The following AR variants were observed in gnomAD, a reference collection of about 807,000 sequenced individuals.
AR encodes dihydrotestosterone receptor.
AR carries 8 observed loss-of-function variants against 53.9 expected under a neutral mutation model. That is an observed-to-expected ratio of 0.15 (90% CI 0.09 to 0.27). The LOEUF is 0.27. Ranked by LOEUF, AR falls within the 10% of genes least tolerant of loss-of-function variation. The pLI, the probability that AR is intolerant of heterozygous loss-of-function variation, is 1.00. For synonymous variants in AR, 359 were observed against 316.4 expected, an observed-to-expected ratio of 1.13 and a Z score of -1.43; for missense variants, 639 against 742.5, an observed-to-expected ratio of 0.86 and a Z score of 1.62.
At chrX:67,700,037 A>G (rs1440378675) in intron 3 of AR, among the ~76,000 whole-genome samples, 3 of 111,244 alleles carry the variant, frequency 2.7e-5, no homozygotes, top group African/African-American at 9.8e-5. Flanking sequence ...AGGGCTGAAA[A>G]GTTAGTTCCC....
chrX:67,631,090 A>G (rs964020063), intron 1 of AR, among the ~76,000 whole-genome samples: 5 of 110,002 alleles, frequency 4.5e-5, no homozygotes, highest in African/African-American at 6.6e-5. Context: ...CTTCATTTCA[A>G]CTTTTTTGAA....
At chrX:67,619,675 G>T (rs758796239) in intron 1 of AR, among the ~76,000 whole-genome samples, 1 of 111,376 alleles carries the variant, frequency 9.0e-6, no homozygotes, top group Non-Finnish European at 1.9e-5. Flanking sequence ...CATACCTCAT[G>T]CATTTGTTGT....
At chrX:67,637,905 C>T (rs1925531545) in intron 1 of AR, among the ~76,000 whole-genome samples, 1 of 110,437 alleles carries the variant, frequency 9.1e-6, no homozygotes, top group African/African-American at 3.3e-5. Context: ...ACACACATGC[C>T]AGGGTGTTTG....
rs147677446 is a variant in AR, at chrX:67,545,470, G to A, written c.324G>A (p.Leu108=). ...QAHRRGPTGY[L]VLDEEQQPSQ... is the part of the protein sequence containing the mutation. ...ATCGTAGAGGCCCCACAGGCTACCT[G>A]GTCCTGGATGAGGAACAGCAACCTT... Residue 108 remains leucine, a synonymous_variant, in exon 1 of 8, where the codon CTG becomes CTA. Coordinates refer to ENST00000374690, the MANE Select transcript of AR (RefSeq NM_000044.6). 1 of 1,200,606 alleles carries A rather than the reference G, an allele frequency of 8.3e-7. No homozygotes were observed. The highest frequency in any genetic ancestry group is 2.2e-5 in the Admixed American group (1 of 44,886).
At chrX:67,693,356 A>G (rs750058600) in intron 3 of AR, among the ~76,000 whole-genome samples, 106 of 112,286 alleles carry the variant, frequency 9.4e-4, no homozygotes, top group Non-Finnish European at 1.6e-3. Flanking sequence ...AACTGAGTAC[A>G]CAGCACACAA....
intron 3 of AR, among the ~76,000 whole-genome samples, chrX:67,692,426 G>A (rs886878313): frequency 8.9e-6 from 1 of 112,351 alleles, no homozygotes; most frequent in Non-Finnish European, 1.9e-5. Flanking sequence ...ATAAATTTTG[G>A]CATCAACATG....
chrX:67,703,096 A>C lies in AR; in HGVS notation c.1886-8306A>C, dbSNP rs190893530. Among the ~76,000 whole-genome samples, 49 of 111,017 alleles carry C rather than the reference A, an allele frequency of 4.4e-4. 2 individuals are homozygous for C. The East Asian group carries it at 1.0e-2, about 23-fold the overall frequency. ...TCCTTCAAAAAATAAATAAAAACTA[A>C]AAAAAAAGTCAGTTCCAGGTTGTAT... On this transcript the variant is annotated intron_variant, in intron 3 of 7. Coordinates refer to ENST00000374690, the MANE Select transcript of AR (RefSeq NM_000044.6).
intron 1 of AR, among the ~76,000 whole-genome samples, chrX:67,573,509 CT>C (rs1921915307): frequency 9.0e-6 from 1 of 111,706 alleles, no homozygotes; most frequent in Admixed American, 9.5e-5. Context: ...GAGGGCTGCA[CT>C]GACTGACTTC....
chrX:67,689,602 A>C, intron 3 of AR: 1 of 965,391 alleles, frequency 1.0e-6, no homozygotes, highest in Non-Finnish European at 1.3e-6. Context: ...TTGGAGTCTC[A>C]GAATGGCTTC....
In AR at chrX:67,718,691, C is replaced by T. The variant is rs375203494; in HGVS notation, c.2318+1069C>T. Among the ~76,000 whole-genome samples, 27 of 110,701 alleles carry T rather than the reference C, an allele frequency of 2.4e-4. No homozygotes were observed. In the South Asian group the frequency reaches 4.8e-3, roughly 20 times the overall value. The stretch of plus-strand genomic sequence containing the variant: ...TGCCACCCAGGCTGGAGGGCAGTGG[C>T]GCAATGATCTCAGCCCAGTGCAACC... On this transcript the variant is annotated intron_variant, in intron 5 of 7. Transcript: ENST00000374690.
At chrX:67,596,044 T>C (rs1195957749) in intron 1 of AR, among the ~76,000 whole-genome samples, 5 of 109,765 alleles carry the variant, frequency 4.6e-5, no homozygotes, top group Non-Finnish European at 9.5e-5. Flanking sequence ...GTTGTGGTGA[T>C]AGTAAGTTCT....
At chrX:67,603,141 A>G (rs1214580083) in intron 1 of AR, among the ~76,000 whole-genome samples, 2 of 111,750 alleles carry the variant, frequency 1.8e-5, no homozygotes, top group South Asian at 3.8e-4. Context: ...CTTTCCCACA[A>G]TGCAATTTTA....
intron 1 of AR, among the ~76,000 whole-genome samples, chrX:67,621,293 A>ATCAAAT (rs1300072052): frequency 9.0e-6 from 1 of 111,393 alleles, no homozygotes; most frequent in African/African-American, 3.3e-5. Context: ...GGCCATTAAA[A>ATCAAAT]TTATTTGGGG....
At chrX:67,547,824 T>A (rs1929827631) in intron 1 of AR, among the ~76,000 whole-genome samples, 1 of 111,914 alleles carries the variant, frequency 8.9e-6, no homozygotes, top group Non-Finnish European at 1.9e-5. Flanking sequence ...TAATGACCTA[T>A]GAGCCGTAAT....
chrX:67,630,362 T>C (rs1171730002), intron 1 of AR, among the ~76,000 whole-genome samples: 1 of 111,859 alleles, frequency 8.9e-6, no homozygotes, highest in East Asian at 2.8e-4. Context: ...TTAGCTCTTC[T>C]TGTTGAATTG....
intron 5 of AR, among the ~76,000 whole-genome samples, chrX:67,720,636 T>TCTACA (rs1176193127): frequency 7.2e-5 from 8 of 111,393 alleles, no homozygotes; most frequent in Admixed American, 4.8e-4. Context: ...GTTGAATAAT[T>TCTACA]CTACACCATC....
intron 1 of AR, among the ~76,000 whole-genome samples, chrX:67,553,039 A>T (rs1930057897): frequency 9.0e-6 from 1 of 111,183 alleles, no homozygotes; most frequent in Admixed American, 9.6e-5. Flanking sequence ...ATCTAGATTG[A>T]AGCACAAAAA....
At chrX:67,703,866 A>G (rs927580198) in intron 3 of AR, among the ~76,000 whole-genome samples, 9 of 110,959 alleles carry the variant, frequency 8.1e-5, no homozygotes, top group African/African-American at 2.6e-4. Flanking sequence ...TCATTGTTCA[A>G]TTCCCACCTG....
chrX:67,546,337 C>T lies in AR; in HGVS notation c.1191C>T (p.Ser397=), dbSNP rs867052370. ...TGGAGAACCCGCTGGACTACGGCAG[C>T]GCCTGGGCGGCTGCGGCGGCGCAGT... ...IKLENPLDYG[S]AWAAAAAQCR... Residue 397 remains serine (S), a synonymous_variant, in exon 1 of 8, where the codon AGC becomes AGT. Coordinates refer to ENST00000374690, the MANE Select transcript of AR (RefSeq NM_000044.6). 8.4e-7 allele frequency: 1 copy of T among 1,192,441 alleles called. No individual in the cohort carries two copies. The highest frequency in any genetic ancestry group is 1.1e-6 in the Non-Finnish European group (1 of 886,424).
Sources: gnomAD v4.1 joint callset for allele counts (sites outside exome capture counted in the v4.1 genomes callset) on GRCh38, gnomAD v4.1.1 for gene constraint, MANE v1.5 for transcripts, NCBI Gene and HGNC (gene_info 2026-07-23, HGNC 2026-07-21) for gene names.